Variants in CLECL1 observed in about 807,000 individuals in gnomAD.
The protein encoded by CLECL1 is C-type lectin like 1.
At chr12:9,725,437 GA>G (rs1194206371) in intron 3 of CLECL1, among the ~76,000 whole-genome samples, 6 of 152,020 alleles carry the variant, frequency 3.9e-5, no homozygotes, top group Non-Finnish European at 7.4e-5. Flanking sequence ...CTATGTAGCT[GA>G]AAAATTTTAG....
chr12:9,723,265 T>C (rs1219430614), intron 3 of CLECL1, among the ~76,000 whole-genome samples: 1 of 152,160 alleles, frequency 6.6e-6, no homozygotes, highest in Non-Finnish European at 1.5e-5. Context: ...CAAAATCAAA[T>C]AGGTTCATCT....
chr12:9,716,686 A>G, exon 3 of CLECL1: 1 of 828,846 alleles, frequency 1.2e-6, no homozygotes, highest in Non-Finnish European at 1.6e-6. Flanking sequence ...AGAAGACCCC[A>G]GAGACAGACA....
the CLECL1 span, among the ~76,000 whole-genome samples, chr12:9,704,931 A>G: frequency 6.6e-6 from 1 of 152,210 alleles, no homozygotes; most frequent in Non-Finnish European, 1.5e-5. Context: ...ACGCCCAGTA[A>G]TTGGATTGCT....
chr12:9,723,449 C>G (rs951471407), intron 3 of CLECL1, among the ~76,000 whole-genome samples: 2 of 105,582 alleles, frequency 1.9e-5, no homozygotes, highest in Admixed American at 8.9e-5. Context: ...CAGACACACA[C>G]ACACACACAC....
chr12:9,730,945 CAA>C (rs1440337152), intron 1 of CLECL1, among the ~76,000 whole-genome samples: 2 of 152,158 alleles, frequency 1.3e-5, no homozygotes, highest in Non-Finnish European at 2.9e-5. Flanking sequence ...CTCGGCATCC[CAA>C]AGTGTTGGGA....
exon 3 of CLECL1, chr12:9,716,681 A>G: frequency 4.1e-6 from 3 of 727,806 alleles, no homozygotes; most frequent in East Asian, 1.9e-4. Context: ...TCCTAAGAAG[A>G]CCCCAGAGAC....
At chr12:9,711,487 G>A (rs1866200081), downstream of CLECL1, among the ~76,000 whole-genome samples, 1 of 146,510 alleles carries the variant, frequency 6.8e-6, no homozygotes, top group Non-Finnish European at 1.5e-5. Context: ...TTTTGCTTTT[G>A]CCTGGTTTCA....
chr12:9,703,875 T>G, the CLECL1 span, among the ~76,000 whole-genome samples: 1 of 152,154 alleles, frequency 6.6e-6, no homozygotes, highest in Non-Finnish European at 1.5e-5. Flanking sequence ...ATTTGCTGAT[T>G]TTATTGACTT....
chr12:9,712,872 C>T (rs183242813), downstream of CLECL1, among the ~76,000 whole-genome samples: 2 of 152,232 alleles, frequency 1.3e-5, no homozygotes, highest in East Asian at 3.9e-4. Flanking sequence ...AAAAAGGACC[C>T]TGCCATCTAT....
At chr12:9,702,403 T>C in the CLECL1 span, among the ~76,000 whole-genome samples, 1 of 152,168 alleles carries the variant, frequency 6.6e-6, no homozygotes, top group Admixed American at 6.6e-5. Flanking sequence ...ACTCTGCTAT[T>C]CCGCTGCTCT....
downstream of CLECL1, among the ~76,000 whole-genome samples, chr12:9,719,699 G>A (rs1225574095): frequency 6.6e-6 from 1 of 152,176 alleles, no homozygotes; most frequent in Non-Finnish European, 1.5e-5. Flanking sequence ...ACTGCAGACA[G>A]CCTGGGTGAG....
the CLECL1 span, among the ~76,000 whole-genome samples, chr12:9,708,504 C>G: frequency 6.6e-6 from 1 of 152,102 alleles, no homozygotes; most frequent in Non-Finnish European, 1.5e-5. Context: ...AAAACCAGGT[C>G]TGAGGGATCC....
intron 2 of CLECL1, among the ~76,000 whole-genome samples, chr12:9,727,961 CA>C (rs1866399608): frequency 6.6e-6 from 1 of 151,692 alleles, no homozygotes; most frequent in Non-Finnish European, 1.5e-5. Flanking sequence ...TTAATAAGGA[CA>C]AAATGTCCAG....
Position 9,725,123 on chromosome 12 carries a change from A to G in CLECL1, n.263-2310T>C, listed in dbSNP as rs1219832991. Among the ~76,000 whole-genome samples the G allele has an allele frequency of 2.6e-5, 4 of 152,256 alleles. No homozygotes were observed. In the East Asian group the frequency reaches 7.7e-4, roughly 29 times the overall value. On this transcript the variant is annotated intron_variant and non_coding_transcript_variant, in intron 3 of 3. Transcript: ENST00000621400. Reference sequence around the variant, plus strand: ...AAATTTAAGGCATTTTCAGAAAATGAAAAGAACCCCTTGACAACAGATAAT... The same window carrying G: ...AAATTTAAGGCATTTTCAGAAAATGGAAAGAACCCCTTGACAACAGATAAT...
chr12:9,705,850 G>C, the CLECL1 span, among the ~76,000 whole-genome samples: 5 of 151,966 alleles, frequency 3.3e-5, no homozygotes, highest in African/African-American at 7.2e-5. Context: ...TGGCTTTGCT[G>C]TTTTTGCTTA....
intron 1 of CLECL1, among the ~76,000 whole-genome samples, chr12:9,730,038 T>A (rs746168304): frequency 1.8e-4 from 27 of 152,198 alleles, no homozygotes; most frequent in African/African-American, 6.5e-4. Context: ...CTGTTTCTCC[T>A]CTTATATAAT....
At chr12:9,725,199 T>G (rs906439617) in intron 3 of CLECL1, among the ~76,000 whole-genome samples, 1 of 152,184 alleles carries the variant, frequency 6.6e-6, no homozygotes, top group African/African-American at 2.4e-5. Flanking sequence ...GCAATGTTTC[T>G]AAATGAGAAC....
chr12:9,707,244 G>C, the CLECL1 span, among the ~76,000 whole-genome samples: 4 of 152,038 alleles, frequency 2.6e-5, no homozygotes, highest in Non-Finnish European at 4.4e-5. Context: ...TTACGATGTA[G>C]GCATGCAGTA....
the CLECL1 span, among the ~76,000 whole-genome samples, chr12:9,706,589 C>G: frequency 6.6e-6 from 1 of 152,074 alleles, no homozygotes; most frequent in Non-Finnish European, 1.5e-5. Context: ...TATTGAAAGC[C>G]TTTTCTGCAT....
Sources: allele counts gnomAD v4.1 joint callset (sites outside exome capture counted in the v4.1 genomes callset), GRCh38; gene constraint gnomAD v4.1.1; transcripts MANE v1.5; gene names NCBI Gene and HGNC (gene_info 2026-07-23, HGNC 2026-07-21).